Variants in TBCD observed in about 807,000 individuals in gnomAD.
TBCD encodes tubulin-specific chaperone D.
Under a neutral mutation model 169.3 loss-of-function variants are expected in TBCD, and 105 were observed. The ratio of observed to expected loss-of-function variants is 0.62; its 90% CI spans 0.53 to 0.73. The LOEUF (loss-of-function observed/expected upper bound fraction) is 0.73. Ranked by LOEUF, TBCD falls within the 30% of genes least tolerant of loss-of-function variation. TBCD has a pLI of 0.00. For missense variants in TBCD, 1,444 were observed against 1,600.1 expected (o/e 0.90, Z 1.66); for synonymous variants, 700 against 643.9 (o/e 1.09, Z -1.32).
At chr17:82,848,993 T>G (rs1339433637) in intron 13 of TBCD, among the ~76,000 whole-genome samples, 3 of 28,120 alleles carry the variant, frequency 1.1e-4, no homozygotes, top group Admixed American at 3.2e-4. Context: ...GATGTCCCCC[T>G]CTGCCTGCTG....
chr17:82,778,220 A>G (rs906972274), intron 6 of TBCD, among the ~76,000 whole-genome samples: 4 of 152,234 alleles, frequency 2.6e-5, no homozygotes, highest in Non-Finnish European at 4.4e-5. Context: ...ATATTTTATT[A>G]TATTGGAACA....
rs200465187 is a variant in TBCD at position 82,766,390 on chromosome 17, C to T, written c.435+22C>T. 11 of 1,581,714 alleles carry T rather than the reference C, an allele frequency of 7.0e-6. No individual in the cohort carries two copies. The Admixed American group carries it at 8.7e-5, about 12-fold the overall frequency. On this transcript the variant is annotated intron_variant, in intron 4 of 38. Coordinates refer to ENST00000355528, the MANE Select transcript of TBCD (RefSeq NM_005993.5). ...TGAAGTGAGTGTCTCTGCCTCCCCC[C>T]TCGTCTCCAGCCCTCCGTGCCTGTC...
At chr17:82,822,889 A>G (rs2052526874) in intron 13 of TBCD, among the ~76,000 whole-genome samples, 1 of 152,146 alleles carries the variant, frequency 6.6e-6, no homozygotes, top group Non-Finnish European at 1.5e-5. Context: ...GTGAGAGATG[A>G]GGAAGGTGAA....
chr17:82,867,276 G>A (rs2057238943), intron 13 of TBCD, among the ~76,000 whole-genome samples: 1 of 152,228 alleles, frequency 6.6e-6, no homozygotes, highest in East Asian at 1.9e-4. Flanking sequence ...TGAGGCCATT[G>A]TCCATGCTGG....
chr17:82,905,872 G>C, intron 19 of TBCD, 64 bp from the exon 20 acceptor site: 1 of 1,353,252 alleles, frequency 7.4e-7, no homozygotes. Context: ...GGTGCGTGTG[G>C]GCTTCCCACA....
intron 23 of TBCD, among the ~76,000 whole-genome samples, chr17:82,919,385 A>C (rs2061277659): frequency 6.6e-6 from 1 of 152,178 alleles, no homozygotes; most frequent in Non-Finnish European, 1.5e-5. Context: ...TATATTGAAG[A>C]ATAGACCATG....
At chr17:82,887,168 T>TGTGTGTGTGTGTGTGTGTGTGCGCGC in intron 15 of TBCD, among the ~76,000 whole-genome samples, 52 of 126,084 alleles carry the variant, frequency 4.1e-4, no homozygotes, top group Non-Finnish European at 3.0e-4. Context: ...TGTGTGTGTG[T>TGTGTGTGTGTGTGTGTGTGTGCGCGC]GCGCGCGCGC....
intron 5 of TBCD, 136 bp downstream of exon 5, chr17:82,768,702 A>G (rs892814339): frequency 6.4e-6 from 6 of 942,740 alleles, no homozygotes; most frequent in East Asian, 2.7e-5. Flanking sequence ...AAAATCCCAT[A>G]GGATAACTTA....
chr17:82,761,421 T>C (rs1423504672), intron 2 of TBCD, among the ~76,000 whole-genome samples: 3 of 152,254 alleles, frequency 2.0e-5, no homozygotes, highest in African/African-American at 7.2e-5. Context: ...GCACCCATTT[T>C]AGTAAGATGT....
chr17:82,898,938 C>T (rs1390566905), intron 17 of TBCD, among the ~76,000 whole-genome samples: 1 of 90,766 alleles, frequency 1.1e-5, no homozygotes, highest in Non-Finnish European at 2.9e-5. Flanking sequence ...GGGAGTGGAG[C>T]TCCCACCACT....
intron 7 of TBCD, among the ~76,000 whole-genome samples, chr17:82,792,476 G>A (rs2049815128): frequency 1.3e-5 from 2 of 152,262 alleles, no homozygotes; most frequent in Admixed American, 1.3e-4. Flanking sequence ...ACTCTAGTGC[G>A]ATACACTGTC....
At position 82,943,116 on chromosome 17, in the gene TBCD, C is replaced by T. The variant is rs1425418520; in HGVS notation, c.*653C>T. 2.0e-5 allele frequency: 3 copies of T among 152,882 alleles called. No individual in the cohort carries two copies. Among genetic ancestry groups the T allele is most frequent in the African/African-American group, 7.2e-5 (3 of 41,446 alleles). The allele number at this position is 152,882 out of a possible 1,614,324, so 9.5% of individuals were successfully genotyped here. The stretch of plus-strand genomic sequence containing the variant: ...CCAGCAGCTTCACAAATGTCTGCTG[C>T]AAGGGGAATCGTCAGAGTCCAATGT... On this transcript the variant is annotated 3_prime_UTR_variant, in exon 39 of 39. Coordinates refer to ENST00000355528, the MANE Select transcript of TBCD (RefSeq NM_005993.5).
rs141362273 is a variant in TBCD, at chr17:82,938,681, G to C, written c.3369+545G>C. Reference sequence around the variant, plus strand: ...GCTGCCGACTCAGCACCTCCAGGGTGGGCCCGGGGCTCAGACCACCAGCGC... The same window carrying C: ...GCTGCCGACTCAGCACCTCCAGGGTCGGCCCGGGGCTCAGACCACCAGCGC... On this transcript the variant is annotated intron_variant, in intron 36 of 38. Coordinates refer to ENST00000355528, the MANE Select transcript of TBCD (RefSeq NM_005993.5). Among the ~76,000 whole-genome samples the C allele has an allele frequency of 1.5e-4, 23 of 152,346 alleles. No homozygotes were observed. In the East Asian group the frequency reaches 4.4e-3, roughly 29 times the overall value.
chr17:82,927,101 A>T, intron 28 of TBCD, 85 bp from the exon 29 acceptor site: 1 of 1,574,548 alleles, frequency 6.4e-7, no homozygotes, highest in Non-Finnish European at 8.6e-7. Flanking sequence ...TCTTCTCAGG[A>T]TCAGGAACAC....
intron 1 of TBCD, among the ~76,000 whole-genome samples, chr17:82,753,865 G>C (rs534772312): frequency 8.2e-6 from 1 of 121,224 alleles, no homozygotes; most frequent in Admixed American, 8.2e-5. Context: ...GACTAGACTA[G>C]AGGTTTTTTT....
chr17:82,793,850 A>G (rs2049917361), intron 7 of TBCD, among the ~76,000 whole-genome samples: 1 of 151,864 alleles, frequency 6.6e-6, no homozygotes, highest in South Asian at 2.1e-4. Flanking sequence ...GGGGGCACGG[A>G]TGCGATTGGT....
At chr17:82,940,223 A>G (rs560745113) in intron 37 of TBCD, among the ~76,000 whole-genome samples, 2,024 of 126,930 alleles carry the variant, frequency 0.016, 16 homozygotes, top group African/African-American at 0.032. Context: ...GCACGCGCGC[A>G]CACACACACA....
At chr17:82,830,319 T>C (rs1200793480) in intron 13 of TBCD, 3 of 1,614,056 alleles carry the variant, frequency 1.9e-6, no homozygotes, top group South Asian at 1.1e-5. Flanking sequence ...TGGGTGTGTC[T>C]TGCCGGCAGG....
In TBCD at chr17:82,833,676, A is replaced by G. The variant is rs1180997285; in HGVS notation, c.1318+18742A>G. Among the ~76,000 whole-genome samples, 8 of 151,816 alleles carry G rather than the reference A, an allele frequency of 5.3e-5. No homozygotes were observed. The highest frequency in any genetic ancestry group is 8.8e-5 in the Non-Finnish European group (6 of 67,948). ...AATGGAAGAACCAAAGCTTTGCCAC[A>G]CTCCTGCCCGAGAGGAGACCAGAGT... On this transcript the variant is annotated intron_variant, in intron 13 of 38. Coordinates refer to ENST00000355528, the MANE Select transcript of TBCD (RefSeq NM_005993.5). This position sits in a 1 kb window ranked among gnomAD's most constrained non-coding sequence, Gnocchi z 4.7.
Sources: allele counts gnomAD v4.1 joint callset (sites outside exome capture counted in the v4.1 genomes callset), GRCh38; gene constraint gnomAD v4.1.1; non-coding constraint Gnocchi (gnomAD v3.1); transcripts MANE v1.5; gene names NCBI Gene and HGNC (gene_info 2026-07-23, HGNC 2026-07-21).